Variants in ELL observed in about 807,000 individuals in gnomAD.
ELL encodes the protein elongation factor for RNA polymerase II, also known as RNA polymerase II elongation factor ELL.
In ELL, 18 loss-of-function variants were observed where a neutral mutation model predicts 64.0. The observed-to-expected ratio is 0.28, with a 90% CI of 0.19 to 0.42. The LOEUF (loss-of-function observed/expected upper bound fraction) is 0.42, where lower values mean the gene tolerates loss of function less well. Ranked by LOEUF, ELL falls within the 10% of genes least tolerant of loss-of-function variation. The pLI, the probability that ELL is intolerant of heterozygous loss-of-function variation, is 1.00. For missense variants in ELL, 797 were observed against 870.4 expected, an observed-to-expected ratio of 0.92 and a Z score of 1.06; for synonymous variants, 399 against 376.2, an observed-to-expected ratio of 1.06 and a Z score of -0.70.
chr19:18,485,219 G>A (rs1383461055), intron 1 of ELL, among the ~76,000 whole-genome samples: 1 of 152,136 alleles, frequency 6.6e-6, no homozygotes, highest in East Asian at 1.9e-4. Flanking sequence ...CAGCAGAAGC[G>A]GCCCATGGGC....
At chr19:18,459,937 TTTCC>T (rs1974767930) in intron 5 of ELL, among the ~76,000 whole-genome samples, 1 of 152,220 alleles carries the variant, frequency 6.6e-6, no homozygotes, top group Admixed American at 6.5e-5. Flanking sequence ...TTGGCAACAG[TTTCC>T]TTCGACGGGA....
chr19:18,490,204 T>TC (rs1036482981), intron 1 of ELL, among the ~76,000 whole-genome samples: 24 of 96,334 alleles, frequency 2.5e-4, no homozygotes, highest in South Asian at 3.7e-4. Context: ...CACCTGCCCC[T>TC]CCCCCCCACC....
chr19:18,521,827 G>C, intron 1 of ELL, 94 bp downstream of exon 1: 2 of 1,472,420 alleles, frequency 1.4e-6, no homozygotes, highest in Non-Finnish European at 1.8e-6. Context: ...CACAGACCTA[G>C]CGTCTCCGAG....
intron 8 of ELL, among the ~76,000 whole-genome samples, chr19:18,447,709 T>C (rs1974445934): frequency 6.6e-6 from 1 of 152,164 alleles, no homozygotes; most frequent in Admixed American, 6.5e-5. Context: ...TTTAGTGCGT[T>C]TTCTAGACCT....
intron 1 of ELL, among the ~76,000 whole-genome samples, chr19:18,513,402 G>A (rs1314842858): frequency 1.3e-5 from 2 of 152,190 alleles, no homozygotes; most frequent in East Asian, 3.8e-4. Context: ...CACAGAAGGT[G>A]CAGCATTAAA....
chr19:18,497,455 T>C (rs559225875), intron 1 of ELL, among the ~76,000 whole-genome samples: 57 of 152,294 alleles, frequency 3.7e-4, no homozygotes, highest in African/African-American at 1.3e-3. Context: ...CATGTCATTA[T>C]ACATTTGTCT....
chr19:18,520,528 C>T (rs892224806), intron 1 of ELL, among the ~76,000 whole-genome samples: 2 of 151,932 alleles, frequency 1.3e-5, no homozygotes, highest in East Asian at 1.9e-4. Flanking sequence ...ACTGCGACAC[C>T]GGGACAGGGA....
intron 1 of ELL, among the ~76,000 whole-genome samples, chr19:18,487,739 ATCC>A (rs558670239): frequency 3.7e-4 from 57 of 152,338 alleles, no homozygotes; most frequent in African/African-American, 1.3e-3. Flanking sequence ...TCAGATCCTC[ATCC>A]TCCTGAAAGT....
In ELL at chr19:18,461,743, G is replaced by A. The variant is rs1375254658; in HGVS notation, c.579C>T (p.Ala193=). ...CCCCGCTGCCCCCACTCACGGCACT[G>A]GCACCACTCTTCCTGATGGCACTCG... The part of the protein sequence containing the change: ...NLASAIRKSG[A]SAVSGGSGVS... The change falls in exon 5 of 12, where the codon GCC becomes GCT. Residue 193 remains alanine, a synonymous_variant. Transcript: ENST00000262809. 6.2e-7 allele frequency: 1 copy of A among 1,613,982 alleles called. No homozygotes were observed. The highest frequency in any genetic ancestry group is 8.5e-7 in the Non-Finnish European group (1 of 1,180,014).
intron 6 of ELL, among the ~76,000 whole-genome samples, chr19:18,452,987 C>T (rs544328783): frequency 2.0e-5 from 3 of 152,346 alleles, no homozygotes; most frequent in African/African-American, 7.2e-5. Flanking sequence ...AATAAATCAA[C>T]AGGCCGGGCG....
intron 1 of ELL, among the ~76,000 whole-genome samples, chr19:18,499,657 C>G (rs1437592376): frequency 6.6e-6 from 1 of 152,124 alleles, no homozygotes; most frequent in African/African-American, 2.4e-5. Context: ...GGAATAACCC[C>G]ATCCTCCCTT....
chr19:18,444,972 C>A, intron 11 of ELL, 104 bp from the exon 12 acceptor site: 1 of 1,302,640 alleles, frequency 7.7e-7, no homozygotes, highest in Non-Finnish European at 1.1e-6. Context: ...GGGCTTGGTG[C>A]CCAGCAAGGA....
At chr19:18,489,595 G>A (rs936325612) in intron 1 of ELL, among the ~76,000 whole-genome samples, 4 of 152,168 alleles carry the variant, frequency 2.6e-5, no homozygotes, top group Non-Finnish European at 5.9e-5. Flanking sequence ...GCACACCCCA[G>A]CTGCCTGATA....
intron 1 of ELL, among the ~76,000 whole-genome samples, chr19:18,509,596 CAT>C (rs1417781150): frequency 0.025 from 996 of 39,854 alleles, 25 homozygotes; most frequent in African/African-American, 0.11. Context: ...CGCGCGCGCA[CAT>C]ACACACACAC....
At chr19:18,486,741 G>C (rs1329996840) in intron 1 of ELL, among the ~76,000 whole-genome samples, 1 of 152,196 alleles carries the variant, frequency 6.6e-6, no homozygotes, top group Non-Finnish European at 1.5e-5. Context: ...GATAGGCAAA[G>C]ATCACAGAAA....
chr19:18,478,239 A>G (rs1975220372), intron 1 of ELL, among the ~76,000 whole-genome samples: 1 of 152,178 alleles, frequency 6.6e-6, no homozygotes, highest in Non-Finnish European at 1.5e-5. Context: ...GCGCCTCGTT[A>G]CCTCATCTAT....
intron 1 of ELL, among the ~76,000 whole-genome samples, chr19:18,500,452 G>A (rs997107336): frequency 6.6e-6 from 1 of 152,170 alleles, no homozygotes; most frequent in African/African-American, 2.4e-5. Context: ...CCATCAACTG[G>A]CTGCTTGTGA....
chr19:18,460,723 G>A (rs1296041236), intron 5 of ELL, among the ~76,000 whole-genome samples: 1 of 152,190 alleles, frequency 6.6e-6, no homozygotes, highest in Non-Finnish European at 1.5e-5. Flanking sequence ...GCTTTTTGCT[G>A]CAGGCATCAC....
chr19:18,461,683 G>A lies in ELL; in HGVS notation c.639C>T (p.His213=), dbSNP rs1169353905. 3.1e-6 allele frequency: 5 copies of A among 1,613,350 alleles called. No homozygotes were observed. Among genetic ancestry groups the A allele is most frequent in the East Asian group, 4.5e-5 (2 of 44,902 alleles). The change falls in exon 5 of 12, where the codon CAC becomes CAT. Residue 213 remains histidine, a synonymous_variant. Transcript: ENST00000262809. ...SQRPFRDRVL[H]LLALRPYRKA... Reference sequence around the variant, plus strand: ...TGCGGTAGGGCCGTAGTGCCAGGAGGTGCAGCACTCGGTCACGGAAGGGCC... The same window carrying A: ...TGCGGTAGGGCCGTAGTGCCAGGAGATGCAGCACTCGGTCACGGAAGGGCC...
Sources: allele counts gnomAD v4.1 joint callset (sites outside exome capture counted in the v4.1 genomes callset), GRCh38; gene constraint gnomAD v4.1.1; transcripts MANE v1.5; gene names NCBI Gene and HGNC (gene_info 2026-07-23, HGNC 2026-07-21).